Variants in SLC9C1 observed in about 807,000 individuals in gnomAD.
SLC9C1 encodes solute carrier family 9 member C1.
Under a neutral mutation model 140.9 loss-of-function variants are expected in SLC9C1, and 97 were observed. The ratio of observed to expected loss-of-function variants is 0.69; its 90% CI spans 0.58 to 0.82. SLC9C1 has a LOEUF of 0.82. SLC9C1 is among the 40% of genes least tolerant of loss of function. SLC9C1 has a pLI of 0.00. For synonymous variants in SLC9C1, 440 were observed against 442.6 expected, an observed-to-expected ratio of 0.99 and a Z score of 0.07; for missense variants, 1,340 against 1,389.3, an observed-to-expected ratio of 0.96 and a Z score of 0.56.
chr3:112,275,270 A>G (rs1294969858), intron 5 of SLC9C1, among the ~76,000 whole-genome samples: 2 of 152,136 alleles, frequency 1.3e-5, no homozygotes, highest in Non-Finnish European at 2.9e-5. Context: ...ATTTATTATT[A>G]TTTTTAATTC....
chr3:112,266,695 G>A (rs1355179842), intron 7 of SLC9C1, among the ~76,000 whole-genome samples: 1 of 152,142 alleles, frequency 6.6e-6, no homozygotes, highest in Admixed American at 6.6e-5. Flanking sequence ...CAACTTCTTA[G>A]CAGACATAGT....
chr3:112,196,920 G>T (rs2077781041), intron 20 of SLC9C1, among the ~76,000 whole-genome samples: 1 of 150,864 alleles, frequency 6.6e-6, no homozygotes. Flanking sequence ...CTTTTGAATG[G>T]GCAATACTTG....
Position 112,278,915 on chromosome 3 carries a change from C to T in SLC9C1, c.190-58G>A, listed in dbSNP as rs1487586045. ...TATTCATCACTATTAGAATAGAATA[C>T]ATGCTAGGTGCTCCTAAATCTAACA... On this transcript the variant is annotated intron_variant, in intron 3 of 28. Coordinates refer to ENST00000305815, the MANE Select transcript of SLC9C1 (RefSeq NM_183061.3). 26 of 1,512,746 alleles carry T rather than the reference C, an allele frequency of 1.7e-5. No individual in the cohort carries two copies. The East Asian group carries it at 2.4e-4, about 14-fold the overall frequency. The allele number at this position is 1,512,746 out of a possible 1,614,324, so 93.7% of individuals were successfully genotyped here.
At chr3:112,147,219 A>C (rs2074827051) in intron 28 of SLC9C1, among the ~76,000 whole-genome samples, 1 of 152,100 alleles carries the variant, frequency 6.6e-6, no homozygotes, top group Non-Finnish European at 1.5e-5. Context: ...CTTGAAGGAT[A>C]GGTCTTGTTT....
chr3:112,180,500 G>A (rs1205452074), intron 22 of SLC9C1, 64 bp downstream of exon 22: 2 of 1,354,782 alleles, frequency 1.5e-6, no homozygotes, highest in African/African-American at 1.5e-5. Flanking sequence ...TCCAGCTTGG[G>A]CAACAAGAGA....
intron 10 of SLC9C1, among the ~76,000 whole-genome samples, chr3:112,249,354 G>C (rs1336402512): frequency 6.6e-6 from 1 of 151,146 alleles, no homozygotes; most frequent in Non-Finnish European, 1.5e-5. Context: ...GGGTATGTCA[G>C]TATTTTGTTG....
intron 12 of SLC9C1, among the ~76,000 whole-genome samples, chr3:112,235,774 T>C (rs1278276825): frequency 6.6e-6 from 1 of 152,208 alleles, no homozygotes; most frequent in Admixed American, 6.5e-5. Context: ...ATTACATTTA[T>C]TGATTTGTGT....
chr3:112,216,204 T>C (rs2078362705), intron 15 of SLC9C1, among the ~76,000 whole-genome samples: 2 of 152,114 alleles, frequency 1.3e-5, no homozygotes. Flanking sequence ...CAAAAATCAA[T>C]TCAAGATGGA....
intron 12 of SLC9C1, among the ~76,000 whole-genome samples, chr3:112,232,852 C>T (rs1292606089): frequency 6.6e-6 from 1 of 151,852 alleles, no homozygotes; most frequent in South Asian, 2.1e-4. Context: ...CAGAAGGTGA[C>T]ATCTCCCACA....
chr3:112,250,927 A>T (rs911359770), intron 10 of SLC9C1, among the ~76,000 whole-genome samples: 1 of 152,214 alleles, frequency 6.6e-6, no homozygotes, highest in Non-Finnish European at 1.5e-5. Flanking sequence ...TACCATAAAG[A>T]CATATGCATG....
chr3:112,232,110 C>T (rs2078846040), intron 12 of SLC9C1, among the ~76,000 whole-genome samples: 1 of 152,070 alleles, frequency 6.6e-6, no homozygotes, highest in Non-Finnish European at 1.5e-5. Context: ...GCTATAAAGC[C>T]AGATTTTCTG....
intron 12 of SLC9C1, among the ~76,000 whole-genome samples, chr3:112,238,390 C>T (rs1209916273): frequency 3.3e-5 from 5 of 152,144 alleles, no homozygotes; most frequent in African/African-American, 7.2e-5. Flanking sequence ...AACTTCTCTG[C>T]GATGGGTTCG....
chr3:112,141,939 C>A (rs2074637957), intron 28 of SLC9C1, among the ~76,000 whole-genome samples: 1 of 152,116 alleles, frequency 6.6e-6, no homozygotes, highest in Non-Finnish European at 1.5e-5. Context: ...TACAACCAAC[C>A]CTTTTAATGG....
intron 1 of SLC9C1, among the ~76,000 whole-genome samples, chr3:112,290,814 CTT>C (rs11412854): frequency 2.9e-4 from 40 of 137,930 alleles, no homozygotes; most frequent in Admixed American, 4.3e-4. Context: ...TCTTTTCCTT[CTT>C]TTTTTTTTTT....
At chr3:112,223,841 A>G (rs1333227709) in intron 13 of SLC9C1, among the ~76,000 whole-genome samples, 1 of 152,192 alleles carries the variant, frequency 6.6e-6, no homozygotes, top group Non-Finnish European at 1.5e-5. Context: ...TAAATAAATC[A>G]CAGTCTTTAG....
chr3:112,276,483 G>T (rs1232487624), intron 5 of SLC9C1, among the ~76,000 whole-genome samples: 1 of 151,958 alleles, frequency 6.6e-6, no homozygotes, highest in Admixed American at 6.6e-5. Context: ...GAACAATGCT[G>T]CCAAGAAGAA....
At chr3:112,176,303 G>A (rs368407608) in intron 23 of SLC9C1, among the ~76,000 whole-genome samples, 44 of 152,208 alleles carry the variant, frequency 2.9e-4, no homozygotes, top group Middle Eastern at 3.4e-3. Context: ...ACTTTTCTCC[G>A]TTCTCCGTGA....
chr3:112,204,380 A>G lies in SLC9C1; in HGVS notation c.2010T>C (p.Phe670=). ...CGAATATGTTCCAGGCATGTGAAAA[A>G]AAGTCCTTCCTCATTGCTGCTATCT... ...LLKIAAMRKD[F]FSHAWNIFEL... The change falls in exon 17 of 29, where the codon TTT becomes TTC. Residue 670 remains phenylalanine, a synonymous_variant. Coordinates refer to ENST00000305815, the MANE Select transcript of SLC9C1 (RefSeq NM_183061.3). The G allele has an allele frequency of 6.4e-7, 1 of 1,571,186 alleles. No homozygotes were observed. The highest frequency in any genetic ancestry group is 8.6e-7 in the Non-Finnish European group (1 of 1,165,736).
chr3:112,158,307 G>T (rs1328753816), intron 26 of SLC9C1, among the ~76,000 whole-genome samples: 3 of 151,898 alleles, frequency 2.0e-5, no homozygotes, highest in East Asian at 3.9e-4. Flanking sequence ...TTCTGTTGAT[G>T]TAATACATCA....
Sources: allele counts gnomAD v4.1 joint callset (sites outside exome capture counted in the v4.1 genomes callset), GRCh38; gene constraint gnomAD v4.1.1; transcripts MANE v1.5; gene names NCBI Gene and HGNC (gene_info 2026-07-23, HGNC 2026-07-21).